CACNA1E: variants seen among roughly 807,000 people sequenced by gnomAD.
The protein encoded by CACNA1E is calcium voltage-gated channel subunit alpha1 E, also known as voltage-dependent R-type calcium channel subunit alpha-1E.
Under a neutral mutation model 259.2 loss-of-function variants are expected in CACNA1E, and 40 were observed. That is an observed-to-expected ratio of 0.15 (90% CI 0.12 to 0.20). The LOEUF (loss-of-function observed/expected upper bound fraction) is 0.20, where lower values mean the gene tolerates loss of function less well. Ranked by LOEUF, CACNA1E falls within the 10% of genes least tolerant of loss-of-function variation. The pLI is 1.00. For missense variants in CACNA1E, 1,874 were observed against 3,040.1 expected, an observed-to-expected ratio of 0.62 and a Z score of 9.02; for synonymous variants, 1,104 against 1,138.5, an observed-to-expected ratio of 0.97 and a Z score of 0.61.
At chr1:181,511,805 C>A (rs1162563101) in intron 3 of CACNA1E, among the ~76,000 whole-genome samples, 1 of 152,242 alleles carries the variant, frequency 6.6e-6, no homozygotes, top group Admixed American at 6.5e-5. Context: ...AGTGGCTAAA[C>A]ACCCACTTCT....
At chr1:181,559,585 G>T (rs1223580804) in intron 3 of CACNA1E, among the ~76,000 whole-genome samples, 1 of 152,164 alleles carries the variant, frequency 6.6e-6, no homozygotes, top group Admixed American at 6.5e-5. Context: ...CAAGGAGAGG[G>T]TACTAAACAC....
intron 6 of CACNA1E, among the ~76,000 whole-genome samples, chr1:181,622,595 A>G (rs1223381169): frequency 6.6e-6 from 1 of 152,102 alleles, no homozygotes; most frequent in Non-Finnish European, 1.5e-5. Flanking sequence ...TTGTAATAAT[A>G]CCAGTAAGGT....
chr1:181,618,111 C>G (rs1655391832), intron 6 of CACNA1E, among the ~76,000 whole-genome samples: 1 of 152,114 alleles, frequency 6.6e-6, no homozygotes, highest in Non-Finnish European at 1.5e-5. Context: ...TACAGATGAA[C>G]CAACTATGAA....
intron 2 of CACNA1E, among the ~76,000 whole-genome samples, chr1:181,451,971 G>A (rs1661182749): frequency 6.6e-6 from 1 of 152,232 alleles, no homozygotes; most frequent in Non-Finnish European, 1.5e-5. Context: ...AATTGGGGTA[G>A]GCGAGATAAA....
intron 38 of CACNA1E, among the ~76,000 whole-genome samples, chr1:181,778,446 T>C (rs1481643140): frequency 2.0e-5 from 3 of 152,100 alleles, no homozygotes; most frequent in African/African-American, 7.2e-5. Flanking sequence ...GCTGAAGCAA[T>C]AGTCTCCAGA....
intron 6 of CACNA1E, among the ~76,000 whole-genome samples, chr1:181,589,451 G>A (rs1056666604): frequency 6.6e-6 from 1 of 152,160 alleles, no homozygotes; most frequent in Non-Finnish European, 1.5e-5. Flanking sequence ...TCAGGTGCAT[G>A]GGTACATACA....
chr1:181,567,491 C>T (rs1235320989), intron 3 of CACNA1E, among the ~76,000 whole-genome samples: 2 of 152,138 alleles, frequency 1.3e-5, no homozygotes, highest in Non-Finnish European at 2.9e-5. Flanking sequence ...AAACTCCAAA[C>T]CAACCAACCA....
rs1027007880 is a variant in CACNA1E at position 181,728,838 on chromosome 1, G to A, written c.2241-2337G>A. 8.0e-5 allele frequency among the ~76,000 whole-genome samples: 12 copies of A among 149,886 alleles called. 1 individual carries two copies. Among genetic ancestry groups the A allele is most frequent in the Admixed American group, 2.0e-4 (3 of 15,108 alleles). ...GCTCAGGTGTATGTACCCTGCTCAC[G>A]TGTGTGTACACTGCTCAGGTGTGTG... On this transcript the variant is annotated intron_variant, in intron 18 of 47. Transcript: ENST00000367573.
In CACNA1E at chr1:181,501,720, A is replaced by AAGAG. The variant is rs58336251; in HGVS notation, c.267-8744_267-8741dup. Among the ~76,000 whole-genome samples the AAGAG allele has an allele frequency of 5.6e-3, 840 of 149,884 alleles. 7 individuals carry two copies. The highest frequency in any genetic ancestry group is 0.018 in the African/African-American group (751 of 41,052). On this transcript the variant is annotated intron_variant, in intron 1 of 47. Transcript: ENST00000367573. Reference sequence around the variant, plus strand: ...CATCTTCTTGACAGCAGGAGTGGGGAAGAGAGAGAGAGAGAGGGATTAAGA... The same window carrying AAGAG: ...CATCTTCTTGACAGCAGGAGTGGGGAAGAGAGAGAGAGAGAGAGAGGGATTAAGA...
At chr1:181,434,558 T>C (rs567900642) in intron 2 of CACNA1E, among the ~76,000 whole-genome samples, 1 of 152,280 alleles carries the variant, frequency 6.6e-6, no homozygotes, top group South Asian at 2.1e-4. Context: ...TGCCCTGAGC[T>C]TCAGGTAGGG....
At chr1:181,671,885 G>C (rs892966350) in intron 7 of CACNA1E, among the ~76,000 whole-genome samples, 1 of 152,168 alleles carries the variant, frequency 6.6e-6, no homozygotes, top group Admixed American at 6.5e-5. Context: ...CCATTACTGG[G>C]TATATACCTA....
intron 2 of CACNA1E, among the ~76,000 whole-genome samples, chr1:181,475,470 T>C (rs1381857579): frequency 6.6e-6 from 1 of 152,128 alleles, no homozygotes; most frequent in African/African-American, 2.4e-5. Context: ...GGACCATGCA[T>C]AGAAGGATGC....
intron 1 of CACNA1E, among the ~76,000 whole-genome samples, chr1:181,375,103 C>T (rs1208115592): frequency 2.6e-5 from 4 of 152,154 alleles, no homozygotes; most frequent in Non-Finnish European, 4.4e-5. Flanking sequence ...CTCTGAACTT[C>T]TTTGCAGCTA....
chr1:181,477,664 C>T (rs1467180879), intron 2 of CACNA1E, among the ~76,000 whole-genome samples: 1 of 152,130 alleles, frequency 6.6e-6, no homozygotes. Flanking sequence ...CCATCCCCCG[C>T]ACAACAGAGT....
chr1:181,352,805 A>AACACAAAGGATCC (rs1653137084), intron 1 of CACNA1E, among the ~76,000 whole-genome samples: 1 of 152,104 alleles, frequency 6.6e-6, no homozygotes, highest in African/African-American at 2.4e-5. Flanking sequence ...TGTCTCTTTG[A>AACACAAAGGATCC]TCTGTCTCAG....
At chr1:181,676,523 A>C (rs1403201959) in intron 7 of CACNA1E, among the ~76,000 whole-genome samples, 2 of 152,110 alleles carry the variant, frequency 1.3e-5, no homozygotes, top group African/African-American at 2.4e-5. Flanking sequence ...TAGGGTGTAC[A>C]TTATGATGTC....
At chr1:181,729,814 C>A (rs1655294105) in intron 18 of CACNA1E, among the ~76,000 whole-genome samples, 1 of 152,198 alleles carries the variant, frequency 6.6e-6, no homozygotes, top group Non-Finnish European at 1.5e-5. Flanking sequence ...TTCTGGATAG[C>A]TGGTATTTGA....
At chr1:181,384,708 G>C (rs1655712261) in intron 1 of CACNA1E, among the ~76,000 whole-genome samples, 1 of 151,968 alleles carries the variant, frequency 6.6e-6, no homozygotes, top group African/African-American at 2.4e-5. Flanking sequence ...CTCACTCCTG[G>C]TGTTCCCGGT....
intron 3 of CACNA1E, among the ~76,000 whole-genome samples, chr1:181,573,687 A>G (rs146252196): frequency 6.6e-6 from 1 of 152,366 alleles, no homozygotes; most frequent in African/African-American, 2.4e-5. Flanking sequence ...GGGAATGTAA[A>G]TTAGTTCAAC....
Sources: gnomAD v4.1 joint callset for allele counts (sites outside exome capture counted in the v4.1 genomes callset) on GRCh38, gnomAD v4.1.1 for gene constraint, MANE v1.5 for transcripts, NCBI Gene and HGNC (gene_info 2026-07-23, HGNC 2026-07-21) for gene names.